The following SLCO4A1 variants were observed in gnomAD, a reference collection of about 807,000 sequenced individuals.
The protein encoded by SLCO4A1 is colon organic anion transporter.
SLCO4A1 carries 51 observed loss-of-function variants against 64.6 expected under a neutral mutation model. That is an observed-to-expected ratio of 0.79 (90% CI 0.63 to 1.00). SLCO4A1 has a LOEUF of 1.00. Among genes scored for constraint, SLCO4A1 ranks in the 50% least tolerant of loss-of-function variants. The pLI, the probability that SLCO4A1 is intolerant of heterozygous loss-of-function variation, is 0.00. For synonymous variants in SLCO4A1, 471 were observed against 444.9 expected, an observed-to-expected ratio of 1.06 and a Z score of -0.74; for missense variants, 919 against 980.5, an observed-to-expected ratio of 0.94 and a Z score of 0.84.
intron 11 of SLCO4A1, among the ~76,000 whole-genome samples, chr20:62,670,702 G>A (rs552462337): frequency 2.3e-4 from 35 of 152,320 alleles, no homozygotes; most frequent in Middle Eastern, 3.4e-3. Flanking sequence ...CCCTCCACAC[G>A]CAGCCATCCC....
intron 2 of SLCO4A1, among the ~76,000 whole-genome samples, chr20:62,677,605 C>T (rs1306707089): frequency 6.6e-6 from 1 of 152,238 alleles, no homozygotes; most frequent in East Asian, 1.9e-4. Flanking sequence ...GCGTAGAGAC[C>T]TGCACTCCAA....
At chr20:62,686,459 T>C (rs1186134575), downstream of SLCO4A1, among the ~76,000 whole-genome samples, 3 of 151,606 alleles carry the variant, frequency 2.0e-5, no homozygotes, top group Non-Finnish European at 2.9e-5. Flanking sequence ...GGGGACAGAG[T>C]GAGAAGACAC....
chr20:62,676,922 C>T (rs1450280420), downstream of SLCO4A1, among the ~76,000 whole-genome samples: 2 of 152,216 alleles, frequency 1.3e-5, no homozygotes, highest in African/African-American at 2.4e-5. Flanking sequence ...GGTAAATCAG[C>T]GTGGGCTGTC....
rs748477522 is a variant in SLCO4A1 at position 62,672,004 on chromosome 20, C to T, written c.*111C>T. Reference sequence around the variant, plus strand: ...GAACTTCTATTTGACCTGCAACCTTCTACTTAACCTGTGGTTTAAAGTCGG... The same window carrying T: ...GAACTTCTATTTGACCTGCAACCTTTTACTTAACCTGTGGTTTAAAGTCGG... On this transcript the variant is annotated 3_prime_UTR_variant, in exon 12 of 12. Coordinates refer to ENST00000217159, the MANE Select transcript of SLCO4A1 (RefSeq NM_016354.4). 6.3e-7 allele frequency: 1 copy of T among 1,589,144 alleles called. No individual in the cohort carries two copies.
chr20:62,676,499 T>G (rs1200406405), downstream of SLCO4A1, among the ~76,000 whole-genome samples: 1 of 152,214 alleles, frequency 6.6e-6, no homozygotes, highest in Admixed American at 6.5e-5. Context: ...GATTTGACTT[T>G]TATTTCATCA....
At chr20:62,659,782 C>A (rs1984426849) in intron 3 of SLCO4A1, among the ~76,000 whole-genome samples, 1 of 152,240 alleles carries the variant, frequency 6.6e-6, no homozygotes, top group Non-Finnish European at 1.5e-5. Flanking sequence ...CCTTTGCTGG[C>A]CTTTTGCCCT....
chr20:62,674,043 G>A (rs1987469156), downstream of SLCO4A1, among the ~76,000 whole-genome samples: 1 of 152,220 alleles, frequency 6.6e-6, no homozygotes. Context: ...CCACTGGGCT[G>A]GGGCAGGAGG....
At chr20:62,680,808 A>G (rs1987791938) in intron 2 of SLCO4A1, among the ~76,000 whole-genome samples, 1 of 152,186 alleles carries the variant, frequency 6.6e-6, no homozygotes, top group Non-Finnish European at 1.5e-5. Flanking sequence ...ACGTTCATGA[A>G]AGATATTGGT....
In SLCO4A1 at chr20:62,661,036, A is replaced by AGCCCCCAGCCCCCC; in HGVS notation, c.1010-23_1010-22insCAGCCCCCCGCCCC. ...CCACCTCCGGGAGCCCCCAGCCCCC[A>AGCCCCCAGCCCCCC]GCCCCAGCTCACTCTGTGCCCTTCC... On this transcript the variant is annotated intron_variant, in intron 4 of 11. Coordinates refer to ENST00000217159, the MANE Select transcript of SLCO4A1 (RefSeq NM_016354.4). This position sits in a 1 kb window ranked among gnomAD's most constrained non-coding sequence, Gnocchi z 5.2. The AGCCCCCAGCCCCCC allele has an allele frequency of 1.0e-5, 5 of 487,444 alleles. No homozygotes were observed. Among genetic ancestry groups the AGCCCCCAGCCCCCC allele is most frequent in the South Asian group, 8.0e-5 (5 of 62,796 alleles). 30.2% of individuals were successfully genotyped at this position (487,444 alleles called of 1,614,324 possible). A position where few individuals can be genotyped will look rare whatever the true frequency, so the allele number is the denominator to read the frequency against.
At chr20:62,686,424 A>G (rs1988061122), downstream of SLCO4A1, among the ~76,000 whole-genome samples, 1 of 152,136 alleles carries the variant, frequency 6.6e-6, no homozygotes, top group East Asian at 1.9e-4. Flanking sequence ...TTCAGGATGA[A>G]TGCAACTCCG....
Position 62,661,010 on chromosome 20 carries a change from T to G in SLCO4A1, c.1010-54T>G. ...GGGGGCAGAGCCTCTCTCGGAGAAG[T>G]CCACCTCCGGGAGCCCCCAGCCCCC... On this transcript the variant is annotated intron_variant, in intron 4 of 11. Coordinates refer to ENST00000217159, the MANE Select transcript of SLCO4A1 (RefSeq NM_016354.4). This position sits in a 1 kb window ranked among gnomAD's most constrained non-coding sequence, Gnocchi z 5.2. The G allele has an allele frequency of 9.4e-7, 1 of 1,069,198 alleles. No homozygotes were observed. Among genetic ancestry groups the G allele is most frequent in the Non-Finnish European group, 1.3e-6 (1 of 754,616 alleles). The allele number at this position is 1,069,198 out of a possible 1,614,324, so 66.2% of individuals were successfully genotyped here.
downstream of SLCO4A1, among the ~76,000 whole-genome samples, chr20:62,672,983 G>C (rs1239383242): frequency 9.4e-6 from 1 of 106,292 alleles, no homozygotes; most frequent in African/African-American, 2.9e-5. Context: ...CGCCTGCCAG[G>C]AGTTCTCAAA....
At chr20:62,666,338 C>A (rs546973713) in intron 6 of SLCO4A1, 42 bp from the exon 7 acceptor site, 2 of 1,576,104 alleles carry the variant, frequency 1.3e-6, no homozygotes, top group African/African-American at 1.3e-5. Flanking sequence ...CCCACCACGG[C>A]CCCCTGCCTG....
At position 62,656,628 on chromosome 20, in the gene SLCO4A1, C is replaced by T; in HGVS notation, c.174C>T (p.Pro58=). ...AHSPLDTSKQ[P]LCQLWAEKHG... ...GCCCCCTGGACACCAGCAAGCAGCC[C>T]CTCTGCCAGCTCTGGGCCGAGAAGC... Residue 58 remains proline (P), a synonymous_variant, in exon 2 of 12, where the codon CCC becomes CCT. Coordinates refer to ENST00000217159, the MANE Select transcript of SLCO4A1 (RefSeq NM_016354.4). The T allele has an allele frequency of 6.2e-7, 1 of 1,601,168 alleles. No individual in the cohort carries two copies. The highest frequency in any genetic ancestry group is 1.3e-5 in the African/African-American group (1 of 74,740).
chr20:62,673,380 G>A (rs149003618), downstream of SLCO4A1, among the ~76,000 whole-genome samples: 6 of 143,426 alleles, frequency 4.2e-5, 1 homozygote, highest in South Asian at 2.2e-4. Context: ...TCAGGAGTCC[G>A]GTTCATCAGG....
In SLCO4A1 at chr20:62,655,426, C is replaced by T. The variant is rs115382294; in HGVS notation, c.-96-933C>T. On this transcript the variant is annotated intron_variant, in intron 1 of 11. Coordinates refer to ENST00000217159, the MANE Select transcript of SLCO4A1 (RefSeq NM_016354.4). Reference sequence around the variant, plus strand: ...TGTTTATTCGCCGGTTTATTTCTGACGGGGAAAGCCCTTAAGATGCAGAGA... The same window carrying T: ...TGTTTATTCGCCGGTTTATTTCTGATGGGGAAAGCCCTTAAGATGCAGAGA... Among the ~76,000 whole-genome samples the T allele has an allele frequency of 2.3e-3, 351 of 150,318 alleles. 1 individual carries two copies. Among genetic ancestry groups the T allele is most frequent in the African/African-American group, 8.1e-3 (323 of 39,928 alleles).
At chr20:62,674,608 G>A (rs1329529202), downstream of SLCO4A1, among the ~76,000 whole-genome samples, 4 of 152,212 alleles carry the variant, frequency 2.6e-5, no homozygotes, top group Non-Finnish European at 5.9e-5. Flanking sequence ...GAGCGGCCCT[G>A]TGTGTTCCCC....
intron 1 of SLCO4A1, chr20:62,651,445 T>G (rs1023132583): frequency 6.6e-6 from 1 of 152,108 alleles, no homozygotes; most frequent in African/African-American, 2.4e-5. Context: ...CCCCTGGAGG[T>G]GCACAGCTGG....
downstream of SLCO4A1, among the ~76,000 whole-genome samples, chr20:62,686,977 C>G (rs536177883): frequency 1.3e-5 from 2 of 149,964 alleles, no homozygotes; most frequent in South Asian, 4.2e-4. Flanking sequence ...GGGAACGGCA[C>G]CCCCAAACAG....
Sources: allele counts gnomAD v4.1 joint callset (sites outside exome capture counted in the v4.1 genomes callset), GRCh38; gene constraint gnomAD v4.1.1; non-coding constraint Gnocchi (gnomAD v3.1); transcripts MANE v1.5; gene names NCBI Gene and HGNC (gene_info 2026-07-23, HGNC 2026-07-21).